TTC39B: variants seen among roughly 807,000 people sequenced by gnomAD.
TTC39B encodes the protein tetratricopeptide repeat domain 39B.
A neutral mutation model predicts 96.6 loss-of-function variants in TTC39B; 92 were observed. That is an observed-to-expected ratio of 0.95 (90% confidence interval 0.80 to 1.13). The LOEUF (loss-of-function observed/expected upper bound fraction) is 1.13. TTC39B is among the 50% of genes most tolerant of loss of function. The pLI is 0.00. For missense variants in TTC39B, 955 were observed against 809.3 expected (o/e 1.18, Z -2.18); for synonymous variants, 367 against 299.4 (o/e 1.23, Z -2.33).
chr9:15,265,502 C>T (rs1006382388), intron 2 of TTC39B, among the ~76,000 whole-genome samples: 7 of 152,198 alleles, frequency 4.6e-5, no homozygotes, highest in African/African-American at 1.7e-4. Flanking sequence ...TACTATAGCC[C>T]AAGCTCAATT....
intron 2 of TTC39B, among the ~76,000 whole-genome samples, chr9:15,232,787 C>T (rs10961924): frequency 0.14 from 21,515 of 152,162 alleles, 1,808 homozygotes; most frequent in Non-Finnish European, 0.2. Context: ...AGGAGAAGAC[C>T]CTCAAACCTT....
intron 2 of TTC39B, among the ~76,000 whole-genome samples, chr9:15,261,755 A>T (rs1006382091): frequency 1.3e-5 from 2 of 152,128 alleles, no homozygotes; most frequent in Non-Finnish European, 2.9e-5. Flanking sequence ...CAACCAAAAG[A>T]TAGCTTTCTT....
At chr9:15,214,354 G>GTC (rs1470868161) in intron 3 of TTC39B, 105 bp from the exon 4 acceptor site, 6 of 728,138 alleles carry the variant, frequency 8.2e-6, no homozygotes, top group African/African-American at 7.2e-5. Context: ...GTGTCTGTGT[G>GTC]TGTGTGTCTG....
intron 2 of TTC39B, among the ~76,000 whole-genome samples, chr9:15,262,404 T>C (rs1822979044): frequency 6.6e-6 from 1 of 152,218 alleles, no homozygotes; most frequent in African/African-American, 2.4e-5. Context: ...TGGCCTATTT[T>C]AATTTTTAAA....
intron 6 of TTC39B, among the ~76,000 whole-genome samples, chr9:15,207,004 T>C (rs1219533604): frequency 6.6e-6 from 1 of 152,214 alleles, no homozygotes. Flanking sequence ...CTGATGGTTT[T>C]ATAAGTGTTT....
intron 8 of TTC39B, among the ~76,000 whole-genome samples, chr9:15,199,085 A>G (rs1819356952): frequency 2.0e-5 from 3 of 152,196 alleles, no homozygotes; most frequent in African/African-American, 4.8e-5. Flanking sequence ...GAAAGGGATG[A>G]CTCCAGATTC....
chr9:15,203,452 G>C (rs1270852849), intron 7 of TTC39B, among the ~76,000 whole-genome samples: 1 of 151,046 alleles, frequency 6.6e-6, no homozygotes, highest in African/African-American at 2.4e-5. Flanking sequence ...GTAGAGACAG[G>C]GTTTCACCAT....
intron 1 of TTC39B, among the ~76,000 whole-genome samples, chr9:15,275,909 G>A (rs954463567): frequency 1.3e-5 from 2 of 152,176 alleles, no homozygotes; most frequent in Non-Finnish European, 2.9e-5. Context: ...ATGCCTTTAA[G>A]ATCTTTTTTT....
At chr9:15,258,180 A>G (rs1361293886) in intron 2 of TTC39B, among the ~76,000 whole-genome samples, 1 of 152,226 alleles carries the variant, frequency 6.6e-6, no homozygotes, top group Non-Finnish European at 1.5e-5. Flanking sequence ...GCCAGCTCTT[A>G]AAGTAGTCCA....
chr9:15,248,208 C>A (rs995138936), intron 2 of TTC39B, among the ~76,000 whole-genome samples: 1 of 152,180 alleles, frequency 6.6e-6, no homozygotes, highest in Non-Finnish European at 1.5e-5. Flanking sequence ...AATTTCCCTT[C>A]CTCTTCCACT....
intron 15 of TTC39B, among the ~76,000 whole-genome samples, chr9:15,186,117 G>C (rs141698688): frequency 6.6e-6 from 1 of 152,272 alleles, no homozygotes; most frequent in East Asian, 1.9e-4. Context: ...CAAACAAGTT[G>C]CTGAGAAAGA....
At chr9:15,207,442 C>G (rs1039781865) in intron 6 of TTC39B, among the ~76,000 whole-genome samples, 2 of 152,112 alleles carry the variant, frequency 1.3e-5, no homozygotes, top group East Asian at 3.9e-4. Flanking sequence ...TCATTATTTC[C>G]TTCATCCGTA....
chr9:15,227,272 C>T (rs1047325163), intron 2 of TTC39B, among the ~76,000 whole-genome samples: 3 of 150,968 alleles, frequency 2.0e-5, no homozygotes, highest in Non-Finnish European at 2.9e-5. Context: ...CGCACCATTG[C>T]ACTCCAGCCT....
chr9:15,213,508 C>T (rs921368650), intron 4 of TTC39B, among the ~76,000 whole-genome samples: 1 of 152,132 alleles, frequency 6.6e-6, no homozygotes, highest in Non-Finnish European at 1.5e-5. Context: ...AAGTAAGGAA[C>T]GAGATTGCCG....
At chr9:15,185,393 A>G (rs769299132) in exon 16 of TTC39B, 18 of 1,613,662 alleles carry the variant, frequency 1.1e-5, no homozygotes, top group Non-Finnish European at 1.7e-6. Flanking sequence ...CTCTGCTTCA[A>G]GCTGTCCACC....
intron 2 of TTC39B, among the ~76,000 whole-genome samples, chr9:15,232,741 A>C (rs1188937441): frequency 1.3e-5 from 2 of 152,200 alleles, no homozygotes. Flanking sequence ...CCTCTGGTGT[A>C]CTAAATCTGG....
chr9:15,200,464 A>G (rs898704426), intron 7 of TTC39B, among the ~76,000 whole-genome samples: 2 of 152,242 alleles, frequency 1.3e-5, no homozygotes, highest in Non-Finnish European at 2.9e-5. Flanking sequence ...TGTCACTACT[A>G]CACAATTTTG....
chr9:15,248,320 A>G (rs1439919210), intron 2 of TTC39B, among the ~76,000 whole-genome samples: 1 of 152,132 alleles, frequency 6.6e-6, no homozygotes, highest in East Asian at 1.9e-4. Context: ...CAGTTAACTC[A>G]TTTCCAACAT....
chr9:15,260,821 T>TAA lies in TTC39B; in HGVS notation c.275+7091_275+7092dup, dbSNP rs113675511. Among the ~76,000 whole-genome samples, 345 of 152,150 alleles carry TAA rather than the reference T, an allele frequency of 2.3e-3. 2 individuals carry two copies. The highest frequency in any genetic ancestry group is 7.8e-3 in the African/African-American group (323 of 41,480). On this transcript the variant is annotated intron_variant, in intron 2 of 19. Coordinates refer to ENST00000512701, the Ensembl canonical transcript of TTC39B. Reference sequence around the variant, plus strand: ...TATTGTAAGCTTCTAATTACCTGGCTAAAAAAATCTGCCTATTTCACCTTC... The same window carrying TAA: ...TATTGTAAGCTTCTAATTACCTGGCTAAAAAAAAATCTGCCTATTTCACCTTC...
Sources: gnomAD v4.1 joint callset for allele counts (sites outside exome capture counted in the v4.1 genomes callset) on GRCh38, gnomAD v4.1.1 for gene constraint, MANE v1.5 for transcripts, NCBI Gene and HGNC (gene_info 2026-07-23, HGNC 2026-07-21) for gene names.